SMYD3: variants seen among roughly 807,000 people sequenced by gnomAD.
SMYD3 encodes histone-lysine N-methyltransferase SMYD3.
SMYD3 carries 36 observed loss-of-function variants against 57.7 expected under a neutral mutation model. That is an observed-to-expected ratio of 0.62 (90% CI 0.48 to 0.82). The LOEUF (loss-of-function observed/expected upper bound fraction) is 0.82. Ranked by LOEUF, SMYD3 falls within the 40% of genes least tolerant of loss-of-function variation. The probability of loss-of-function intolerance (pLI) is 0.00; values close to 1 mark genes in which losing one functional copy is unlikely to be tolerated. For missense variants in SMYD3, 515 were observed against 538.8 expected (o/e 0.96, Z 0.44); for synonymous variants, 211 against 195.0 (o/e 1.08, Z -0.68).
intron 1 of SMYD3, among the ~76,000 whole-genome samples, chr1:246,374,176 T>G (rs926129643): frequency 6.6e-6 from 1 of 152,202 alleles, no homozygotes; most frequent in African/African-American, 2.4e-5. Flanking sequence ...GTATCCCTCA[T>G]GGGCACTGGC....
intron 5 of SMYD3, among the ~76,000 whole-genome samples, chr1:246,195,602 C>T (rs866522183): frequency 6.7e-5 from 10 of 149,940 alleles, no homozygotes; most frequent in African/African-American, 2.3e-4. Flanking sequence ...CACAAATGTG[C>T]GTGCACGCGC....
intron 1 of SMYD3, among the ~76,000 whole-genome samples, chr1:246,492,270 G>T (rs2068284125): frequency 6.6e-6 from 1 of 152,176 alleles, no homozygotes; most frequent in African/African-American, 2.4e-5. Context: ...AAATAATGAT[G>T]CCTGCGTCCC....
chr1:245,775,739 A>G (rs1317735315), intron 10 of SMYD3, among the ~76,000 whole-genome samples: 1 of 151,578 alleles, frequency 6.6e-6, no homozygotes, highest in African/African-American at 2.4e-5. Flanking sequence ...AATAAAAAAA[A>G]TAAATGGATA....
intron 8 of SMYD3, among the ~76,000 whole-genome samples, chr1:245,870,841 G>T (rs902286437): frequency 1.4e-5 from 2 of 142,726 alleles, no homozygotes; most frequent in Non-Finnish European, 3.1e-5. Context: ...TTAAACACAC[G>T]AATCCATCCA....
intron 5 of SMYD3, among the ~76,000 whole-genome samples, chr1:246,011,807 C>T (rs553741670): frequency 8.5e-5 from 13 of 152,296 alleles, no homozygotes; most frequent in Non-Finnish European, 1.6e-4. Flanking sequence ...GCTAAGTTTA[C>T]GCTTGCTCCA....
intron 10 of SMYD3, among the ~76,000 whole-genome samples, chr1:245,833,612 AGT>A (rs1489257117): frequency 2.0e-5 from 3 of 152,354 alleles, no homozygotes; most frequent in African/African-American, 7.2e-5. Context: ...TAGTTAAGGT[AGT>A]GTTTGCCAAG....
intron 1 of SMYD3, among the ~76,000 whole-genome samples, chr1:246,481,940 C>T (rs979326507): frequency 4.0e-5 from 6 of 151,594 alleles, no homozygotes; most frequent in African/African-American, 1.2e-4. Flanking sequence ...GAGGATCACT[C>T]GAGTCCTGGA....
At chr1:246,396,359 A>C (rs1366721798) in intron 1 of SMYD3, among the ~76,000 whole-genome samples, 1 of 152,096 alleles carries the variant, frequency 6.6e-6, no homozygotes, top group Non-Finnish European at 1.5e-5. Context: ...TTTTGTTCCC[A>C]ACGGCTCACT....
chr1:245,852,111 T>C (rs1402473709), intron 10 of SMYD3, among the ~76,000 whole-genome samples: 1 of 152,228 alleles, frequency 6.6e-6, no homozygotes. Context: ...TCCAAAGCTC[T>C]GTCAGAATGT....
intron 8 of SMYD3, among the ~76,000 whole-genome samples, chr1:245,887,775 C>T (rs2053169498): frequency 1.3e-5 from 2 of 152,222 alleles, no homozygotes; most frequent in African/African-American, 4.8e-5. Context: ...AAGCCACCTA[C>T]AGGAAGGGGA....
chr1:246,268,030 T>G (rs2064143946), intron 5 of SMYD3, among the ~76,000 whole-genome samples: 1 of 152,166 alleles, frequency 6.6e-6, no homozygotes, highest in Non-Finnish European at 1.5e-5. Context: ...AAGGTATCAC[T>G]TATCAATTGG....
chr1:245,817,218 T>C (rs1197939693), intron 10 of SMYD3, among the ~76,000 whole-genome samples: 4 of 145,860 alleles, frequency 2.7e-5, no homozygotes, highest in Non-Finnish European at 6.0e-5. Flanking sequence ...GCAGACTGCC[T>C]CCTCAAGTGG....
At chr1:246,446,556 C>G (rs1377967228) in intron 1 of SMYD3, among the ~76,000 whole-genome samples, 1 of 152,152 alleles carries the variant, frequency 6.6e-6, no homozygotes, top group African/African-American at 2.4e-5. Context: ...TTTAATGTAG[C>G]TCTTTGAGCT....
In SMYD3 at chr1:245,814,274, G is replaced by A. The variant is rs536748304; in HGVS notation, c.1076+44222C>T. On this transcript the variant is annotated intron_variant, in intron 10 of 11. Coordinates refer to ENST00000490107, the MANE Select transcript of SMYD3 (RefSeq NM_001167740.2). ...GAAGGTAAACAATTTAATAATTTCA[G>A]TGTATAGCTACCTCCAATTATCCAA... is the stretch of plus-strand genomic sequence containing the variant. The A allele has an allele frequency of 6.2e-6, 4 of 648,634 alleles. No individual in the cohort carries two copies. The South Asian group carries it at 2.7e-4, about 45-fold the overall frequency. The allele number at this position is 648,634 out of a possible 1,614,324, so 40.2% of individuals were successfully genotyped here. A position where few individuals can be genotyped will look rare whatever the true frequency, so the allele number is the denominator to read the frequency against.
At chr1:245,771,211 A>C (rs1015221293) in intron 10 of SMYD3, among the ~76,000 whole-genome samples, 1 of 152,178 alleles carries the variant, frequency 6.6e-6, no homozygotes, top group African/African-American at 2.4e-5. Context: ...CAAGTCACAG[A>C]TTAAAAAATG....
chr1:246,329,455 T>G (rs2065421216), intron 4 of SMYD3, among the ~76,000 whole-genome samples: 1 of 152,234 alleles, frequency 6.6e-6, no homozygotes. Flanking sequence ...TTGTGAGCAT[T>G]TTTTCATGTG....
At chr1:245,889,024 T>C (rs1461303860) in intron 8 of SMYD3, among the ~76,000 whole-genome samples, 3 of 152,210 alleles carry the variant, frequency 2.0e-5, no homozygotes, top group Non-Finnish European at 2.9e-5. Context: ...TTAATGACTA[T>C]ATAAATAGTG....
chr1:246,222,360 G>A (rs2148425164), intron 5 of SMYD3, among the ~76,000 whole-genome samples: 1 of 152,270 alleles, frequency 6.6e-6, no homozygotes, highest in East Asian at 1.9e-4. Context: ...AGCACAGAGA[G>A]ATCCATATTA....
chr1:246,069,912 C>G lies in SMYD3; in HGVS notation c.532-139975G>C, dbSNP rs144669283. Among the ~76,000 whole-genome samples the G allele has an allele frequency of 3.4e-3, 514 of 152,314 alleles. 3 individuals are homozygous for G. Among genetic ancestry groups the G allele is most frequent in the African/African-American group, 0.012 (489 of 41,574 alleles). ...CAGATACCATCATCTCCCCCACATCCCTCCTACGTGGAGCCTTAGTTTGGG... is the reference window on the plus strand; with the variant it reads ...CAGATACCATCATCTCCCCCACATCGCTCCTACGTGGAGCCTTAGTTTGGG... On this transcript the variant is annotated intron_variant, in intron 5 of 11. Coordinates refer to ENST00000490107, the MANE Select transcript of SMYD3 (RefSeq NM_001167740.2).
Sources: allele counts gnomAD v4.1 joint callset (sites outside exome capture counted in the v4.1 genomes callset), GRCh38; gene constraint gnomAD v4.1.1; transcripts MANE v1.5; gene names NCBI Gene and HGNC (gene_info 2026-07-23, HGNC 2026-07-21).